The following SLC4A5 variants were observed in gnomAD, a reference collection of about 807,000 sequenced individuals.
The protein encoded by SLC4A5 is solute carrier family 4 member 5.
In SLC4A5, 96 loss-of-function variants were observed where a neutral mutation model predicts 120.4. The ratio of observed to expected loss-of-function variants is 0.80; its 90% CI spans 0.68 to 0.94. The LOEUF is 0.94. Ranked by LOEUF, SLC4A5 falls within the 40% of genes least tolerant of loss-of-function variation. SLC4A5 has a pLI of 0.00. For missense variants in SLC4A5, 1,259 were observed against 1,459.5 expected, an observed-to-expected ratio of 0.86 and a Z score of 2.24; for synonymous variants, 550 against 571.1, an observed-to-expected ratio of 0.96 and a Z score of 0.53.
At position 74,265,242 on chromosome 2, in the gene SLC4A5, C is replaced by CGT; in HGVS notation, c.423_424insAC (p.Val142ThrfsTer2). ...CTCCAGCGTTCGCCGCCTTCCTCTACCTTTTCTTCAAACTTTATCCACCTG... is the reference window on the plus strand; with the variant it reads ...CTCCAGCGTTCGCCGCCTTCCTCTACGTCTTTTCTTCAAACTTTATCCACCTG... On this transcript the variant is annotated frameshift_variant, in exon 9 of 31. Coordinates refer to ENST00000394019, the Ensembl canonical transcript of SLC4A5. LOFTEE classifies it high-confidence loss of function. 1 of 1,614,182 alleles carries CGT rather than the reference C, an allele frequency of 6.2e-7. No homozygotes were observed. Among genetic ancestry groups the CGT allele is most frequent in the Non-Finnish European group, 8.5e-7 (1 of 1,179,998 alleles).
chr2:74,303,536 C>T (rs1167194614), intron 7 of SLC4A5, among the ~76,000 whole-genome samples: 1 of 152,132 alleles, frequency 6.6e-6, no homozygotes, highest in Non-Finnish European at 1.5e-5. Flanking sequence ...AGTAAAATGT[C>T]ACATTTGTGC....
At chr2:74,330,260 G>A (rs1276240517) in intron 4 of SLC4A5, among the ~76,000 whole-genome samples, 1 of 151,500 alleles carries the variant, frequency 6.6e-6, no homozygotes, top group Admixed American at 6.6e-5. Context: ...TGTCTAGATG[G>A]AGGTGATGAG....
At chr2:74,230,211 T>C (rs1478998936) in intron 25 of SLC4A5, among the ~76,000 whole-genome samples, 1 of 152,058 alleles carries the variant, frequency 6.6e-6, no homozygotes, top group African/African-American at 2.4e-5. Flanking sequence ...CAGGTAAACT[T>C]AATTCAAGAA....
chr2:74,216,380 A>C (rs1694445038), exon 31 of SLC4A5: 1 of 152,236 alleles, frequency 6.6e-6, no homozygotes, highest in African/African-American at 2.4e-5. Context: ...AATATAAATG[A>C]CATGTAAGGT....
At chr2:74,327,312 T>G (rs890226881) in intron 5 of SLC4A5, among the ~76,000 whole-genome samples, 1 of 152,204 alleles carries the variant, frequency 6.6e-6, no homozygotes, top group African/African-American at 2.4e-5. Flanking sequence ...TGGTGTCTGA[T>G]GCACCCTTCT....
At chr2:74,331,092 T>C (rs962367343) in intron 4 of SLC4A5, among the ~76,000 whole-genome samples, 5 of 148,598 alleles carry the variant, frequency 3.4e-5, no homozygotes, top group African/African-American at 1.2e-4. Flanking sequence ...TAGATGGTGA[T>C]AGTGACGTAT....
intron 4 of SLC4A5, among the ~76,000 whole-genome samples, chr2:74,331,503 C>T (rs546379730): frequency 6.6e-6 from 1 of 151,740 alleles, no homozygotes; most frequent in Non-Finnish European, 1.5e-5. Context: ...ATTGTTGTTG[C>T]TATTATGCTG....
intron 21 of SLC4A5, among the ~76,000 whole-genome samples, chr2:74,236,851 A>T (rs1020427653): frequency 6.6e-5 from 10 of 151,960 alleles, no homozygotes; most frequent in Admixed American, 4.6e-4. Flanking sequence ...CTACATTCCC[A>T]CCTACTGCTT....
intron 6 of SLC4A5, chr2:74,307,036 C>T: frequency 1.7e-6 from 1 of 576,058 alleles, no homozygotes; most frequent in Admixed American, 2.2e-5. Context: ...TAGTGGGCCT[C>T]CACCTCCCTC....
chr2:74,254,033 A>G (rs1392674400), intron 14 of SLC4A5, among the ~76,000 whole-genome samples: 1 of 152,204 alleles, frequency 6.6e-6, no homozygotes, highest in Non-Finnish European at 1.5e-5. Flanking sequence ...TTTCGTGGGG[A>G]AAAGTTATCT....
chr2:74,317,057 GA>G (rs1279347557), intron 5 of SLC4A5, among the ~76,000 whole-genome samples: 1 of 152,204 alleles, frequency 6.6e-6, no homozygotes, highest in Non-Finnish European at 1.5e-5. Flanking sequence ...AATATTCATA[GA>G]TCCTCCTGTA....
intron 11 of SLC4A5, among the ~76,000 whole-genome samples, chr2:74,260,336 C>T (rs916699502): frequency 6.6e-6 from 1 of 152,064 alleles, no homozygotes; most frequent in Admixed American, 6.6e-5. Context: ...TCCCAGGATC[C>T]TCTCCTGCTT....
At chr2:74,330,872 G>C (rs1673345374) in intron 4 of SLC4A5, among the ~76,000 whole-genome samples, 1 of 79,508 alleles carries the variant, frequency 1.3e-5, no homozygotes, top group Non-Finnish European at 2.7e-5. Context: ...AGGTATAGGA[G>C]GTGGTGAGGT....
At chr2:74,235,598 T>C (rs1201399407) in intron 21 of SLC4A5, among the ~76,000 whole-genome samples, 1 of 152,190 alleles carries the variant, frequency 6.6e-6, no homozygotes, top group East Asian at 1.9e-4. Context: ...CCAGCAGGTA[T>C]GATGAGGGCA....
chr2:74,294,717 C>T (rs1226328361), intron 7 of SLC4A5, among the ~76,000 whole-genome samples: 3 of 149,354 alleles, frequency 2.0e-5, no homozygotes, highest in African/African-American at 2.5e-5. Flanking sequence ...CTTGCTCTGT[C>T]GCCCAGTGTA....
chr2:74,259,960 G>A (rs1671083555), intron 11 of SLC4A5, among the ~76,000 whole-genome samples: 1 of 152,188 alleles, frequency 6.6e-6, no homozygotes, highest in Non-Finnish European at 1.5e-5. Context: ...TCTGCACCAG[G>A]CCCGGATAGG....
At chr2:74,331,618 T>A (rs961589595) in intron 4 of SLC4A5, among the ~76,000 whole-genome samples, 3 of 152,048 alleles carry the variant, frequency 2.0e-5, no homozygotes, top group Admixed American at 2.0e-4. Flanking sequence ...ATGGTACCTT[T>A]GGGAAATCAC....
rs144577563 is a variant in SLC4A5, at chr2:74,297,594, A to G, written c.271+6895T>C. On this transcript the variant is annotated intron_variant, in intron 7 of 30. Coordinates refer to ENST00000394019, the Ensembl canonical transcript of SLC4A5. ...AAGTGGAAGTGCAACCACATTTCTA[A>G]AGCTGCTTCTAATCCTCTTTCTCCT... 8.4e-3 allele frequency among the ~76,000 whole-genome samples: 1,282 copies of G among 152,316 alleles called. 24 individuals carry two copies. The highest frequency in any genetic ancestry group is 0.028 in the African/African-American group (1,145 of 41,556).
intron 1 of SLC4A5, among the ~76,000 whole-genome samples, chr2:74,343,096 C>A (rs1435941651): frequency 1.3e-5 from 2 of 152,218 alleles, no homozygotes; most frequent in Non-Finnish European, 1.5e-5. Flanking sequence ...AATCGCAACA[C>A]TACTACAGGA....
Sources: gnomAD v4.1 joint callset for allele counts (sites outside exome capture counted in the v4.1 genomes callset) on GRCh38, gnomAD v4.1.1 for gene constraint, MANE v1.5 for transcripts, NCBI Gene and HGNC (gene_info 2026-07-23, HGNC 2026-07-21) for gene names.